Variants in FADS2 observed in about 807,000 individuals in gnomAD.
FADS2 encodes acyl-CoA 6-desaturase.
FADS2 carries 18 observed loss-of-function variants against 61.2 expected under a neutral mutation model. That is an observed-to-expected ratio of 0.29 (90% CI 0.20 to 0.44). The LOEUF is 0.44. Ranked by LOEUF, FADS2 falls within the 20% of genes least tolerant of loss-of-function variation. The pLI, the probability that FADS2 is intolerant of heterozygous loss-of-function variation, is 1.00. For synonymous variants in FADS2, 203 were observed against 223.9 expected, an observed-to-expected ratio of 0.91 and a Z score of 0.83; for missense variants, 322 against 572.7, an observed-to-expected ratio of 0.56 and a Z score of 4.47.
Position 61,865,023 on chromosome 11 carries a change from T to G in FADS2, c.1158-129T>G. ...TGGGCACACACGAGGAGCCACACTT[T>G]GAGACTGGTCCTGGCTGTGGACAGG... On this transcript the variant is annotated intron_variant, in intron 10 of 11. Transcript: ENST00000278840. This position sits in a 1 kb window ranked among gnomAD's most constrained non-coding sequence, Gnocchi z 4.1. 8 of 1,139,432 alleles carry G rather than the reference T, an allele frequency of 7.0e-6. No homozygotes were observed. Among genetic ancestry groups the G allele is most frequent in the Non-Finnish European group, 1.0e-5 (8 of 801,128 alleles). 70.6% of individuals were successfully genotyped at this position (1,139,432 alleles called of 1,614,324 possible). A position where few individuals can be genotyped will look rare whatever the true frequency, so the allele number is the denominator to read the frequency against.
At chr11:61,824,492 A>AG (rs1565325428), upstream of FADS2, among the ~76,000 whole-genome samples, 3 of 11,604 alleles carry the variant, frequency 2.6e-4, no homozygotes, top group African/African-American at 4.6e-4. Flanking sequence ...GAGAGAGAGA[A>AG]AGAAAGAAAG....
chr11:61,816,951 G>GGAGCGAGATCCCGTCCCCCGGT lies in FADS2; in HGVS notation c.141+527_141+548dup. ...CCATTGGCCGAGCCTCGTGGCGCGG[G>GGAGCGAGATCCCGTCCCCCGGT]GAGCGAGATCCCGTCCCCCGGTGGG... On this transcript the variant is annotated intron_variant, in intron 1 of 11. Transcript: ENST00000257261. The surrounding 1 kb of genome is among the most constrained non-coding windows in gnomAD (Gnocchi z 7.0). The GGAGCGAGATCCCGTCCCCCGGT allele has an allele frequency of 7.3e-7, 1 of 1,375,136 alleles. No homozygotes were observed. 85.2% of individuals were successfully genotyped at this position (1,375,136 alleles called of 1,614,324 possible). A position where few individuals can be genotyped will look rare whatever the true frequency, so the allele number is the denominator to read the frequency against.
intron 4 of FADS2, among the ~76,000 whole-genome samples, chr11:61,840,990 G>A (rs2067213351): frequency 6.6e-6 from 1 of 151,848 alleles, no homozygotes; most frequent in South Asian, 2.1e-4. Context: ...TGTATTTTTT[G>A]ATGTTCCTTA....
chr11:61,818,431 C>T (rs1277009592), intron 1 of FADS2, among the ~76,000 whole-genome samples: 1 of 152,144 alleles, frequency 6.6e-6, no homozygotes, highest in Non-Finnish European at 1.5e-5. Flanking sequence ...CTAATGCGAG[C>T]TACAAAACAT....
At chr11:61,862,948 A>G in intron 7 of FADS2, 24 bp from the exon 8 acceptor site, 1 of 1,602,262 alleles carries the variant, frequency 6.2e-7, no homozygotes, top group Non-Finnish European at 8.6e-7. Flanking sequence ...GGCAGGTTGC[A>G]CCTAACTTCA....
chr11:61,854,377 G>T (rs1279254282), intron 5 of FADS2: 1 of 152,284 alleles, frequency 6.6e-6, no homozygotes, highest in East Asian at 1.9e-4. Context: ...AGCTGTCATC[G>T]ACCCATTTCA....
At chr11:61,845,696 G>A (rs376287268) in intron 4 of FADS2, among the ~76,000 whole-genome samples, 1 of 151,662 alleles carries the variant, frequency 6.6e-6, no homozygotes, top group East Asian at 1.9e-4. Flanking sequence ...GGAAGGCTGA[G>A]GTAGGAGAAC....
At chr11:61,860,285 G>A (rs2067402157) in intron 7 of FADS2, among the ~76,000 whole-genome samples, 1 of 152,264 alleles carries the variant, frequency 6.6e-6, no homozygotes, top group African/African-American at 2.4e-5. Context: ...TGCCAATAGT[G>A]TGGAGGTTGG....
chr11:61,862,652 G>C, intron 7 of FADS2: 1 of 350,046 alleles, frequency 2.9e-6, no homozygotes, highest in Non-Finnish European at 5.3e-6. Context: ...CGCACCTTCA[G>C]AATCGCCCTT....
upstream of FADS2, chr11:61,828,197 A>G (rs950726376): frequency 3.5e-6 from 5 of 1,417,536 alleles, no homozygotes; most frequent in Non-Finnish European, 4.6e-6. This position sits in a 1 kb window ranked among gnomAD's most constrained non-coding sequence, Gnocchi z 6.4. Context: ...ATCCTCCGCC[A>G]GGAAGGCAGG....
intron 4 of FADS2, among the ~76,000 whole-genome samples, chr11:61,843,430 T>C (rs933149289): frequency 6.6e-5 from 10 of 152,126 alleles, no homozygotes; most frequent in African/African-American, 2.4e-4. Flanking sequence ...ACACTGTCTC[T>C]AAATAAATAA....
At chr11:61,844,755 C>A (rs1229336126) in intron 4 of FADS2, among the ~76,000 whole-genome samples, 3 of 150,762 alleles carry the variant, frequency 2.0e-5, no homozygotes, top group Non-Finnish European at 4.4e-5. Context: ...GAAACCCCAT[C>A]TCCACTAAAA....
At chr11:61,835,048 TC>T in intron 1 of FADS2, among the ~76,000 whole-genome samples, 1 of 127,198 alleles carries the variant, frequency 7.9e-6, no homozygotes, top group Non-Finnish European at 1.7e-5. Flanking sequence ...CAGGGACTTC[TC>T]CCTGCCTCCC....
At chr11:61,850,495 C>T (rs982604259) in intron 5 of FADS2, among the ~76,000 whole-genome samples, 1 of 152,102 alleles carries the variant, frequency 6.6e-6, no homozygotes, top group Non-Finnish European at 1.5e-5. Context: ...GTGATCCGCC[C>T]ACCTCGCCCT....
chr11:61,816,460 T>G lies in FADS2; in HGVS notation c.141+34T>G, dbSNP rs2066984687. On this transcript the variant is annotated intron_variant, in intron 1 of 11. Transcript: ENST00000257261. The surrounding 1 kb of genome is among the most constrained non-coding windows in gnomAD (Gnocchi z 7.0). ...AGGCGCCTCCGGGCTTTCCTCCGAA[T>G]TAGTCGGTGTTTGGCTCGGAGTGCG... 1 of 1,600,510 alleles carries G rather than the reference T, an allele frequency of 6.2e-7. No homozygotes were observed. The highest frequency in any genetic ancestry group is 2.2e-5 in the East Asian group (1 of 44,874).
chr11:61,824,338 C>CA (rs2067052992), upstream of FADS2, among the ~76,000 whole-genome samples: 1 of 147,610 alleles, frequency 6.8e-6, no homozygotes, highest in Non-Finnish European at 1.5e-5. Flanking sequence ...GCCAAGATTG[C>CA]ACCACTGCAC....
intron 5 of FADS2, chr11:61,855,518 A>G (rs2067349203): frequency 6.6e-6 from 1 of 152,238 alleles, no homozygotes; most frequent in Non-Finnish European, 1.5e-5. Flanking sequence ...CCCTGGCCTT[A>G]ATAATAGTCT....
At chr11:61,817,889 A>G (rs1481736096) in intron 1 of FADS2, among the ~76,000 whole-genome samples, 7 of 152,220 alleles carry the variant, frequency 4.6e-5, no homozygotes, top group Admixed American at 4.6e-4. Flanking sequence ...TGCAAACCTT[A>G]ACTCATTTAA....
chr11:61,826,442 G>T (rs1008765583), upstream of FADS2: 8 of 611,778 alleles, frequency 1.3e-5, no homozygotes, highest in Non-Finnish European at 2.1e-5. Context: ...CTGCCTTTCA[G>T]CTATCACTCC....
Sources: allele counts gnomAD v4.1 joint callset (sites outside exome capture counted in the v4.1 genomes callset), GRCh38; gene constraint gnomAD v4.1.1; non-coding constraint Gnocchi (gnomAD v3.1); transcripts MANE v1.5; gene names NCBI Gene and HGNC (gene_info 2026-07-23, HGNC 2026-07-21).